Variants in PDE4D observed in about 807,000 individuals in gnomAD.
The protein encoded by PDE4D is phosphodiesterase 4D.
Under a neutral mutation model 87.4 loss-of-function variants are expected in PDE4D, and 24 were observed. The ratio of observed to expected loss-of-function variants is 0.27; its 90% confidence interval spans 0.20 to 0.39. PDE4D has a LOEUF of 0.39. Among genes scored for constraint, PDE4D ranks in the 10% least tolerant of loss-of-function variants. The probability of loss-of-function intolerance (pLI) is 1.00; values close to 1 mark genes in which losing one functional copy is unlikely to be tolerated. For synonymous variants in PDE4D, 384 were observed against 383.2 expected (o/e 1.00, Z -0.02); for missense variants, 714 against 1,041.0 (o/e 0.69, Z 4.32).
intron 1 of PDE4D, among the ~76,000 whole-genome samples, chr5:60,281,082 C>T (rs1176399415): frequency 6.6e-6 from 1 of 152,198 alleles, no homozygotes; most frequent in Non-Finnish European, 1.5e-5. Flanking sequence ...AAAAGAGATA[C>T]ATACAAGGTC....
At chr5:60,241,562 A>G (rs1747130246) in intron 1 of PDE4D, among the ~76,000 whole-genome samples, 1 of 152,004 alleles carries the variant, frequency 6.6e-6, no homozygotes, top group East Asian at 1.9e-4. Flanking sequence ...GGAGTCTCTT[A>G]ATAGCAGAAT....
chr5:59,526,439 T>C (rs532940837), intron 1 of PDE4D, among the ~76,000 whole-genome samples: 102 of 152,266 alleles, frequency 6.7e-4, no homozygotes, highest in African/African-American at 2.4e-3. Flanking sequence ...TAGAAAATAA[T>C]TGTATGCTTG....
In PDE4D at chr5:59,228,438, AC is replaced by A. The variant is rs200769749; in HGVS notation, c.456-12471del. Among the ~76,000 whole-genome samples, 233 of 116,024 alleles carry A rather than the reference AC, an allele frequency of 2.0e-3. 2 individuals are homozygous for A. The highest frequency in any genetic ancestry group is 3.9e-3 in the Middle Eastern group (1 of 258). The allele number at this position is 116,024 out of a possible 152,430, so 76.1% of individuals were successfully genotyped here. ...AAAAGTTAAAATATTAACAACAACA[AC>A]AAAAAAAAAAAACAAGCAAGCAAAG... is the stretch of plus-strand genomic sequence containing the variant. On this transcript the variant is annotated intron_variant, in intron 1 of 14. Transcript: ENST00000340635.
At chr5:59,688,463 A>G (rs946623937) in intron 1 of PDE4D, among the ~76,000 whole-genome samples, 2 of 152,208 alleles carry the variant, frequency 1.3e-5, no homozygotes, top group Admixed American at 6.5e-5. Flanking sequence ...CTGCTCCTGA[A>G]TGACTACTGG....
intron 1 of PDE4D, among the ~76,000 whole-genome samples, chr5:59,250,970 C>T (rs984152786): frequency 6.6e-6 from 1 of 152,062 alleles, no homozygotes; most frequent in Admixed American, 6.6e-5. Flanking sequence ...TAACTGGCTA[C>T]CCATATGCAG....
intron 1 of PDE4D, among the ~76,000 whole-genome samples, chr5:59,232,894 C>T (rs76479804): frequency 0.015 from 2,325 of 151,942 alleles, 63 homozygotes; most frequent in African/African-American, 0.053. Flanking sequence ...CTGCCATTTG[C>T]AGCAACATGA....
At chr5:60,134,562 G>T (rs1779868289) in intron 2 of PDE4D, among the ~76,000 whole-genome samples, 2 of 152,176 alleles carry the variant, frequency 1.3e-5, no homozygotes, top group Non-Finnish European at 2.9e-5. Context: ...GTATTCGTGG[G>T]AGATTACTTC....
chr5:60,517,087 T>C (rs542491279), intron 1 of PDE4D, among the ~76,000 whole-genome samples: 1 of 152,208 alleles, frequency 6.6e-6, no homozygotes, highest in South Asian at 2.1e-4. Context: ...TAGCTCCCAC[T>C]CCAATTTCAG....
intron 1 of PDE4D, among the ~76,000 whole-genome samples, chr5:60,415,548 G>A (rs1400930429): frequency 6.6e-6 from 1 of 152,228 alleles, no homozygotes; most frequent in Non-Finnish European, 1.5e-5. Flanking sequence ...CCCGCACTGG[G>A]AGCGGCAGGC....
At chr5:59,556,222 CAG>C (rs1198815715) in intron 1 of PDE4D, among the ~76,000 whole-genome samples, 1 of 152,158 alleles carries the variant, frequency 6.6e-6, no homozygotes, top group Non-Finnish European at 1.5e-5. Flanking sequence ...ACATCTGAGA[CAG>C]AGTATCTCTT....
At chr5:59,798,254 C>CTGTGTGTG (rs72009917) in intron 1 of PDE4D, among the ~76,000 whole-genome samples, 81 of 143,942 alleles carry the variant, frequency 5.6e-4, no homozygotes, top group East Asian at 1.1e-3. Flanking sequence ...ATATAAATGC[C>CTGTGTGTG]TGTGTGTGTG....
intron 1 of PDE4D, among the ~76,000 whole-genome samples, chr5:60,355,875 G>A (rs748240905): frequency 6.6e-6 from 1 of 152,026 alleles, no homozygotes; most frequent in Non-Finnish European, 1.5e-5. Flanking sequence ...AGAAGAGAAG[G>A]GGTTGGTCTT....
intron 1 of PDE4D, among the ~76,000 whole-genome samples, chr5:59,806,235 C>T (rs1412667584): frequency 1.3e-5 from 2 of 152,166 alleles, no homozygotes; most frequent in Admixed American, 1.3e-4. Context: ...TTTACTGGGG[C>T]CTGAGGACCT....
intron 1 of PDE4D, among the ~76,000 whole-genome samples, chr5:59,869,525 A>G (rs1311937283): frequency 6.6e-6 from 1 of 152,190 alleles, no homozygotes; most frequent in Non-Finnish European, 1.5e-5. Flanking sequence ...TTCCATATTT[A>G]TAATGAGAGC....
intron 1 of PDE4D, among the ~76,000 whole-genome samples, chr5:60,474,882 G>A (rs1324526756): frequency 6.6e-6 from 1 of 152,162 alleles, no homozygotes; most frequent in Non-Finnish European, 1.5e-5. Flanking sequence ...AGCAAGCTCT[G>A]TGCAGCTGCT....
At chr5:60,515,881 T>C (rs577499282) in intron 1 of PDE4D, among the ~76,000 whole-genome samples, 8 of 152,344 alleles carry the variant, frequency 5.3e-5, no homozygotes, top group African/African-American at 1.7e-4. Flanking sequence ...ATGACACTTT[T>C]GCTTAAGCTA....
At chr5:60,230,107 AC>A (rs1745622028) in intron 1 of PDE4D, among the ~76,000 whole-genome samples, 2 of 152,140 alleles carry the variant, frequency 1.3e-5, no homozygotes, top group Admixed American at 1.3e-4. Flanking sequence ...GTGCTGGATT[AC>A]AACTGGGATT....
intron 2 of PDE4D, chr5:60,127,642 T>G (rs1223662030): frequency 6.8e-6 from 4 of 589,862 alleles, no homozygotes; most frequent in East Asian, 3.0e-5. Flanking sequence ...ATTCATAGTT[T>G]TAAGGGCCAC....
intron 2 of PDE4D, among the ~76,000 whole-genome samples, chr5:60,071,911 A>G (rs1772761985): frequency 6.6e-6 from 1 of 152,164 alleles, no homozygotes; most frequent in Admixed American, 6.6e-5. Flanking sequence ...TTATTTACTC[A>G]GTTTACCATT....
Sources: allele counts gnomAD v4.1 joint callset (sites outside exome capture counted in the v4.1 genomes callset), GRCh38; gene constraint gnomAD v4.1.1; transcripts MANE v1.5; gene names NCBI Gene and HGNC (gene_info 2026-07-23, HGNC 2026-07-21).